The following TENM4 variants were observed in gnomAD, a reference collection of about 807,000 sequenced individuals.
The protein encoded by TENM4 is teneurin transmembrane protein 4, also known as teneurin-4.
A neutral mutation model predicts 243.3 loss-of-function variants in TENM4; 82 were observed. The observed-to-expected ratio is 0.34, with a 90% CI of 0.28 to 0.40. The LOEUF is 0.40. TENM4 is among the 10% of genes least tolerant of loss of function. TENM4 has a pLI of 1.00. For missense variants in TENM4, 3,138 were observed against 3,673.3 expected, an observed-to-expected ratio of 0.85 and a Z score of 3.77; for synonymous variants, 1,412 against 1,456.3, an observed-to-expected ratio of 0.97 and a Z score of 0.69.
At chr11:79,322,809 C>T (rs1370520860) in intron 1 of TENM4, among the ~76,000 whole-genome samples, 1 of 152,184 alleles carries the variant, frequency 6.6e-6, no homozygotes, top group Non-Finnish European at 1.5e-5. Flanking sequence ...AAAAATAAAT[C>T]AACTTCTCTG....
chr11:78,856,140 C>T lies in TENM4; in HGVS notation c.1294G>A (p.Asp432Asn). 5 of 1,551,670 alleles carry T rather than the reference C, an allele frequency of 3.2e-6. No individual in the cohort carries two copies. Among genetic ancestry groups the T allele is most frequent in the Non-Finnish European group, 4.4e-6 (5 of 1,146,992 alleles). Residue 432 changes from aspartate (D) to asparagine (N), a missense_variant, in exon 11 of 34, where the codon GAT becomes AAT. Around this residue, in one of 2 missense-constraint regions of TENM4, gnomAD observed 671 missense variants for 614.1 expected, o/e 1.09. Coordinates refer to ENST00000278550, the MANE Select transcript of TENM4 (RefSeq NM_001098816.3). ...SSFFPEDSFI[D>N]SGEIDVGRRA... ...CTTCCCACATCAATTTCTCCAGAATCTATGAAACTGTCCTCTGGAAAGAAA... is the reference window on the plus strand; with the variant it reads ...CTTCCCACATCAATTTCTCCAGAATTTATGAAACTGTCCTCTGGAAAGAAA...
At chr11:79,024,319 C>T (rs922722351) in intron 6 of TENM4, among the ~76,000 whole-genome samples, 1 of 152,130 alleles carries the variant, frequency 6.6e-6, no homozygotes, top group African/African-American at 2.4e-5. Context: ...CCTAGACTTC[C>T]AAGACCCTGG....
At chr11:79,035,266 C>T (rs544295559) in intron 6 of TENM4, among the ~76,000 whole-genome samples, 3 of 152,302 alleles carry the variant, frequency 2.0e-5, no homozygotes, top group African/African-American at 7.2e-5. Flanking sequence ...CCACAGGGGA[C>T]ACGGCTGGCA....
At chr11:79,290,267 G>C (rs1856331907) in intron 2 of TENM4, among the ~76,000 whole-genome samples, 1 of 152,228 alleles carries the variant, frequency 6.6e-6, no homozygotes, top group African/African-American at 2.4e-5. Context: ...GTAGGAGGAT[G>C]AAGAATATGT....
At chr11:79,310,614 CTCAA>C (rs1328902353) in intron 1 of TENM4, among the ~76,000 whole-genome samples, 4 of 152,234 alleles carry the variant, frequency 2.6e-5, no homozygotes, top group African/African-American at 9.6e-5. Flanking sequence ...GTTCTTTCCA[CTCAA>C]TCAAAGTTGC....
chr11:79,068,825 T>C (rs968785248), intron 5 of TENM4, among the ~76,000 whole-genome samples: 4 of 151,988 alleles, frequency 2.6e-5, no homozygotes, highest in African/African-American at 7.2e-5. Flanking sequence ...GGCTGGCCCA[T>C]GAGTGGTGGA....
At chr11:79,390,341 G>A (rs756906997) in intron 1 of TENM4, among the ~76,000 whole-genome samples, 16 of 152,202 alleles carry the variant, frequency 1.1e-4, no homozygotes, top group Admixed American at 6.5e-5. Flanking sequence ...AAGGGCTAGA[G>A]TCCCTTCCCC....
At chr11:78,919,896 C>A (rs918774758) in intron 6 of TENM4, among the ~76,000 whole-genome samples, 3 of 152,094 alleles carry the variant, frequency 2.0e-5, no homozygotes, top group African/African-American at 7.2e-5. Flanking sequence ...GCTGAAACAC[C>A]GCGTCACTCT....
rs903591594 is a variant in TENM4, at chr11:79,215,580, T to A, written c.-163+228A>T. ...CACCTTGCCCTCCCACCATGCTGGC[T>A]GCCAGCTTGGTTTCCAGCAACCGTT... is the stretch of plus-strand genomic sequence containing the variant. On this transcript the variant is annotated intron_variant, in intron 3 of 33. Coordinates refer to ENST00000278550, the MANE Select transcript of TENM4 (RefSeq NM_001098816.3). Among the ~76,000 whole-genome samples, 5 of 152,274 alleles carry A rather than the reference T, an allele frequency of 3.3e-5. No individual in the cohort carries two copies. The East Asian group carries it at 9.7e-4, about 29-fold the overall frequency.
rs192363342 is a variant in TENM4, at chr11:79,247,790, T to C, written c.-264-31881A>G. Among the ~76,000 whole-genome samples, 4 of 152,360 alleles carry C rather than the reference T, an allele frequency of 2.6e-5. No homozygotes were observed. In the East Asian group the frequency reaches 7.7e-4, roughly 29 times the overall value. Reference sequence around the variant, plus strand: ...ACTTACCTTCTGCAGTAAGGTTTTTTAAAACCAAAAGACAACTCAGTTGAA... The same window carrying C: ...ACTTACCTTCTGCAGTAAGGTTTTTCAAAACCAAAAGACAACTCAGTTGAA... On this transcript the variant is annotated intron_variant, in intron 2 of 33. Transcript: ENST00000278550.
intron 6 of TENM4, among the ~76,000 whole-genome samples, chr11:78,956,400 C>T (rs1857207204): frequency 6.6e-6 from 1 of 152,236 alleles, no homozygotes; most frequent in African/African-American, 2.4e-5. Flanking sequence ...TTCTAGGCTT[C>T]TGACCACTTG....
At chr11:79,267,468 A>G (rs17755609) in intron 2 of TENM4, among the ~76,000 whole-genome samples, 7,845 of 152,286 alleles carry the variant, frequency 0.052, 322 homozygotes, top group African/African-American at 0.11. Flanking sequence ...TGCTAGGTAA[A>G]CTATATAGAA....
At chr11:79,070,638 C>G (rs911542881) in intron 4 of TENM4, among the ~76,000 whole-genome samples, 1 of 152,136 alleles carries the variant, frequency 6.6e-6, no homozygotes, top group African/African-American at 2.4e-5. Flanking sequence ...ACCTGTACTG[C>G]TCACTCCTGG....
chr11:79,119,189 A>G (rs1565211273), intron 4 of TENM4, among the ~76,000 whole-genome samples: 1 of 152,178 alleles, frequency 6.6e-6, no homozygotes, highest in Non-Finnish European at 1.5e-5. Context: ...CACACCTGTT[A>G]AGCAAATAAA....
Position 78,732,495 on chromosome 11 carries a change from A to G in TENM4, c.2959T>C (p.Trp987Arg), listed in dbSNP as rs562229153. 6.2e-7 allele frequency: 1 copy of G among 1,613,734 alleles called. No individual in the cohort carries two copies. Among genetic ancestry groups the G allele is most frequent in the Non-Finnish European group, 8.5e-7 (1 of 1,179,828 alleles). The part of the protein sequence containing the change: ...APFITQEHTL[W>R]LPWDRFFVME... ...ACAAAGAAGCGATCCCATGGCAGCC[A>G]CAGGGTGTGCTCCTGTGTGATGAAA... The change falls in exon 21 of 34, where the codon TGG (tryptophan) becomes CGG (arginine). Residue 987 changes from tryptophan to arginine, a missense_variant. Around this residue, in one of 2 missense-constraint regions of TENM4, gnomAD observed 2,467 missense variants for 3,059.1 expected, o/e 0.81. Transcript: ENST00000278550.
At chr11:79,421,820 G>A (rs1439209438) in intron 1 of TENM4, among the ~76,000 whole-genome samples, 2 of 152,048 alleles carry the variant, frequency 1.3e-5, no homozygotes, top group African/African-American at 4.8e-5. Context: ...CCCATTAAAA[G>A]TCTATGATGG....
intron 19 of TENM4, among the ~76,000 whole-genome samples, chr11:78,752,437 CCT>C (rs953049922): frequency 4.6e-5 from 7 of 152,198 alleles, no homozygotes; most frequent in African/African-American, 1.7e-4. Context: ...CTTGAGGCTC[CCT>C]GAGGCTGACC....
chr11:79,055,892 C>A (rs1447501635), intron 6 of TENM4, among the ~76,000 whole-genome samples: 1 of 152,160 alleles, frequency 6.6e-6, no homozygotes, highest in East Asian at 1.9e-4. Flanking sequence ...TATGATAATG[C>A]TCAGAGAGAA....
In TENM4 at chr11:78,738,484, A is replaced by G. The variant is rs760900410; in HGVS notation, c.2843T>C (p.Leu948Pro). The G allele has an allele frequency of 2.5e-6, 4 of 1,613,920 alleles. No individual in the cohort carries two copies. The South Asian group carries it at 3.3e-5, about 13-fold the overall frequency. Residue 948 changes from leucine (L) to proline (P), a missense_variant, in exon 20 of 34, where the codon CTC becomes CCC. Leu to Pro is a moderately conservative substitution (Grantham distance 98). Transcript: ENST00000278550. ...TTGCCTGCTGATTGTATATCCAAAG[A>G]GAGGGTTATTGACAAAACTGATGTT... ...GVNISFVNNP[L>P]FGYTISRQDG...
Sources: gnomAD v4.1 joint callset for allele counts (sites outside exome capture counted in the v4.1 genomes callset) on GRCh38, gnomAD v4.1.1 for gene constraint, gnomAD v4.1.1 regional missense constraint, MANE v1.5 for transcripts, NCBI Gene and HGNC (gene_info 2026-07-23, HGNC 2026-07-21) for gene names.